Variants in CNTNAP5 observed in about 807,000 individuals in gnomAD.
CNTNAP5 encodes contactin-associated protein-like 5.
In CNTNAP5, 72 loss-of-function variants were observed where a neutral mutation model predicts 150.2. The observed-to-expected ratio is 0.48, with a 90% CI of 0.40 to 0.58. The LOEUF is 0.58. Among genes scored for constraint, CNTNAP5 ranks in the 20% least tolerant of loss-of-function variants. CNTNAP5 has a pLI of 0.00. For synonymous variants in CNTNAP5, 672 were observed against 619.8 expected (o/e 1.08, Z -1.25); for missense variants, 1,636 against 1,626.2 (o/e 1.01, Z -0.10).
At chr2:124,086,350 C>G (rs377324898) in intron 1 of CNTNAP5, among the ~76,000 whole-genome samples, 1 of 151,484 alleles carries the variant, frequency 6.6e-6, no homozygotes, top group Non-Finnish European at 1.5e-5. Context: ...ACTGCAGGTG[C>G]CTGCCACCAC....
intron 3 of CNTNAP5, among the ~76,000 whole-genome samples, chr2:124,341,671 C>T (rs568140019): frequency 1.2e-4 from 19 of 152,242 alleles, no homozygotes; most frequent in South Asian, 2.1e-4. Context: ...TTGAAGTCTG[C>T]GGCAATCTAT....
At chr2:124,518,580 C>T (rs1694782011) in intron 8 of CNTNAP5, among the ~76,000 whole-genome samples, 1 of 152,028 alleles carries the variant, frequency 6.6e-6, no homozygotes, top group Admixed American at 6.6e-5. Flanking sequence ...ATATGCACAC[C>T]TAAGAGTATT....
At chr2:124,096,336 A>G (rs1447938522) in intron 1 of CNTNAP5, among the ~76,000 whole-genome samples, 1 of 152,236 alleles carries the variant, frequency 6.6e-6, no homozygotes, top group East Asian at 1.9e-4. Context: ...AAAGGATTAT[A>G]GAAAAATCCC....
intron 11 of CNTNAP5, among the ~76,000 whole-genome samples, chr2:124,607,633 C>T (rs911983309): frequency 3.9e-5 from 6 of 152,162 alleles, no homozygotes; most frequent in Non-Finnish European, 7.3e-5. Flanking sequence ...AGCTTGTCCA[C>T]GCTTCCACAG....
At chr2:124,349,994 C>T (rs2104701181) in intron 3 of CNTNAP5, among the ~76,000 whole-genome samples, 1 of 143,366 alleles carries the variant, frequency 7.0e-6, no homozygotes, top group East Asian at 2.2e-4. Flanking sequence ...AAGCGATTCT[C>T]CTGCCTCAGC....
chr2:124,655,983 G>GAAAA, intron 13 of CNTNAP5, among the ~76,000 whole-genome samples: 1 of 129,602 alleles, frequency 7.7e-6, no homozygotes, highest in Non-Finnish European at 1.6e-5. Context: ...AAGAAAGAAA[G>GAAAA]AAAGAAAGAA....
intron 14 of CNTNAP5, among the ~76,000 whole-genome samples, chr2:124,749,259 A>G (rs1680670250): frequency 6.6e-6 from 1 of 152,100 alleles, no homozygotes; most frequent in South Asian, 2.1e-4. Context: ...CTATGTGTAT[A>G]GTCAAAGAAA....
chr2:124,405,560 C>T (rs1691549391), intron 3 of CNTNAP5, among the ~76,000 whole-genome samples: 1 of 152,098 alleles, frequency 6.6e-6, no homozygotes, highest in Admixed American at 6.5e-5. Flanking sequence ...CTTACGACCT[C>T]GGATCACTTA....
chr2:124,700,417 AT>A (rs1053921944), intron 13 of CNTNAP5, among the ~76,000 whole-genome samples: 1 of 147,650 alleles, frequency 6.8e-6, no homozygotes, highest in Non-Finnish European at 1.5e-5. Flanking sequence ...CTATGTTTAC[AT>A]TTTTAAGAAT....
intron 3 of CNTNAP5, among the ~76,000 whole-genome samples, chr2:124,261,326 C>G (rs1422690600): frequency 1.3e-5 from 2 of 152,130 alleles, no homozygotes; most frequent in Non-Finnish European, 2.9e-5. Flanking sequence ...ACAATCTTCC[C>G]TCTCAGCAGA....
At chr2:124,130,989 G>C (rs1000988437) in intron 1 of CNTNAP5, among the ~76,000 whole-genome samples, 3 of 152,124 alleles carry the variant, frequency 2.0e-5, no homozygotes, top group Non-Finnish European at 2.9e-5. Flanking sequence ...ACTCTGAGAA[G>C]AATATTCACA....
intron 6 of CNTNAP5, among the ~76,000 whole-genome samples, chr2:124,463,033 T>A (rs1018607321): frequency 5.9e-5 from 9 of 152,118 alleles, no homozygotes; most frequent in Admixed American, 4.6e-4. Context: ...GGTGGCAACC[T>A]CCTATGTCAT....
At chr2:124,851,617 G>A (rs1043282457) in intron 19 of CNTNAP5, among the ~76,000 whole-genome samples, 1 of 152,112 alleles carries the variant, frequency 6.6e-6, no homozygotes, top group Non-Finnish European at 1.5e-5. Flanking sequence ...ATGTGGGGGC[G>A]GGACTTTGTG....
intron 3 of CNTNAP5, among the ~76,000 whole-genome samples, chr2:124,306,813 C>T (rs576674956): frequency 1.3e-5 from 2 of 150,126 alleles, no homozygotes; most frequent in Admixed American, 1.3e-4. Flanking sequence ...CTGCAACCTC[C>T]GCCTCCCAGG....
intron 6 of CNTNAP5, among the ~76,000 whole-genome samples, chr2:124,466,342 C>T (rs1693378710): frequency 6.6e-6 from 1 of 152,062 alleles, no homozygotes; most frequent in Non-Finnish European, 1.5e-5. Context: ...TTACTTATGA[C>T]TTAAAATTTG....
intron 17 of CNTNAP5, among the ~76,000 whole-genome samples, chr2:124,775,763 G>A (rs1681308507): frequency 6.6e-6 from 1 of 152,172 alleles, no homozygotes; most frequent in Admixed American, 6.6e-5. Flanking sequence ...CTTTAACAGA[G>A]CAGGAGACTC....
chr2:124,306,595 C>T (rs1186007730), intron 3 of CNTNAP5, among the ~76,000 whole-genome samples: 1 of 152,066 alleles, frequency 6.6e-6, no homozygotes, highest in Non-Finnish European at 1.5e-5. Flanking sequence ...TGCACAGGTT[C>T]TCTAGAGAGT....
At chr2:124,327,900 A>G (rs1689260393) in intron 3 of CNTNAP5, among the ~76,000 whole-genome samples, 1 of 152,180 alleles carries the variant, frequency 6.6e-6, no homozygotes, top group South Asian at 2.1e-4. Context: ...CCTTGGCAAA[A>G]TAAACTTTCC....
chr2:124,853,147 G>T (rs772973852), intron 19 of CNTNAP5, among the ~76,000 whole-genome samples: 1 of 152,162 alleles, frequency 6.6e-6, no homozygotes, highest in South Asian at 2.1e-4. Context: ...GAATGAGAGC[G>T]AACTCTTATC....
Sources: gnomAD v4.1 joint callset for allele counts (sites outside exome capture counted in the v4.1 genomes callset) on GRCh38, gnomAD v4.1.1 for gene constraint, MANE v1.5 for transcripts, NCBI Gene and HGNC (gene_info 2026-07-23, HGNC 2026-07-21) for gene names.